Variants in MIPEP observed in about 807,000 individuals in gnomAD.
MIPEP encodes mitochondrial intermediate peptidase.
MIPEP carries 79 observed loss-of-function variants against 90.3 expected under a neutral mutation model. That is an observed-to-expected ratio of 0.87 (90% CI 0.73 to 1.05). MIPEP has a LOEUF of 1.05. MIPEP is among the 50% of genes least tolerant of loss of function. The pLI, the probability that MIPEP is intolerant of heterozygous loss-of-function variation, is 0.00. For missense variants in MIPEP, 940 were observed against 905.6 expected, an observed-to-expected ratio of 1.04 and a Z score of -0.49; for synonymous variants, 334 against 315.8, an observed-to-expected ratio of 1.06 and a Z score of -0.61.
chr13:23,843,364 G>A (rs1194889384), intron 10 of MIPEP, among the ~76,000 whole-genome samples: 2 of 152,182 alleles, frequency 1.3e-5, no homozygotes, highest in Non-Finnish European at 2.9e-5. Context: ...CCACTAAGCT[G>A]AGGAACTGGG....
intron 10 of MIPEP, among the ~76,000 whole-genome samples, chr13:23,845,214 C>T (rs1041064182): frequency 1.3e-5 from 2 of 151,846 alleles, no homozygotes; most frequent in Admixed American, 6.6e-5. Context: ...GAATACTTTC[C>T]AGTTTAGTAT....
In MIPEP at chr13:23,756,582, G is replaced by A. The variant is rs137904700; in HGVS notation, c.2007C>T (p.Ala669=). The A allele has an allele frequency of 2.5e-6, 4 of 1,613,836 alleles. No individual in the cohort carries two copies. The highest frequency in any genetic ancestry group is 2.5e-6 in the Non-Finnish European group (3 of 1,180,018). ...AGERYRREML[A]HGGGREPMLM... is the part of the protein sequence containing the mutation. ...GCATGGGCTCCCTGCCTCCACCGTGGGCCAGCATCTCCCTGCGATAGCGCT... is the reference window on the plus strand; with the variant it reads ...GCATGGGCTCCCTGCCTCCACCGTGAGCCAGCATCTCCCTGCGATAGCGCT... The change falls in exon 18 of 19, where the codon GCC becomes GCT. Residue 669 remains alanine, a synonymous_variant. Transcript: ENST00000382172.
chr13:23,810,402 T>A (rs1953158868), intron 14 of MIPEP, among the ~76,000 whole-genome samples: 1 of 152,242 alleles, frequency 6.6e-6, no homozygotes, highest in East Asian at 1.9e-4. Context: ...CATAATAATG[T>A]ATTGCAGATT....
At chr13:23,841,209 G>T in intron 11 of MIPEP, 126 bp downstream of exon 11, 1 of 736,240 alleles carries the variant, frequency 1.4e-6, no homozygotes, top group Non-Finnish European at 2.1e-6. Flanking sequence ...TTTTTGTGAA[G>T]CAGAAATAAG....
intron 18 of MIPEP, among the ~76,000 whole-genome samples, chr13:23,731,431 G>C (rs1242938083): frequency 6.6e-6 from 1 of 152,178 alleles, no homozygotes; most frequent in Admixed American, 6.5e-5. Flanking sequence ...CGGCTGGGCA[G>C]AACTGCATAT....
chr13:23,831,392 G>T lies in MIPEP; in HGVS notation c.1653+4848C>A, dbSNP rs868560512. On this transcript the variant is annotated intron_variant, in intron 14 of 18. Coordinates refer to ENST00000382172, the MANE Select transcript of MIPEP (RefSeq NM_005932.4). ...CCTAGCTTCCCCATGGCGGGGGGGG[G>T]ATGTGGATGGGAATTGCCTTACTGC... is the stretch of plus-strand genomic sequence containing the variant. Among the ~76,000 whole-genome samples the T allele has an allele frequency of 1.3e-3, 182 of 142,594 alleles. 11 individuals are homozygous for T. The Middle Eastern group carries it at 0.017, about 14-fold the overall frequency. The allele number at this position is 142,594 out of a possible 152,430, so 93.5% of individuals were successfully genotyped here.
chr13:23,844,908 A>G lies in MIPEP; in HGVS notation c.1107-3420T>C, dbSNP rs116373352. 4.3e-3 allele frequency among the ~76,000 whole-genome samples: 652 copies of G among 152,338 alleles called. 2 individuals are homozygous for G. Among genetic ancestry groups the G allele is most frequent in the African/African-American group, 0.015 (625 of 41,580 alleles). The stretch of plus-strand genomic sequence containing the variant: ...AATGATTGGGAACAAATGAATTTCT[A>G]AACTGCCTGTTTTAAAATAAAAACA... On this transcript the variant is annotated intron_variant, in intron 10 of 18. Coordinates refer to ENST00000382172, the MANE Select transcript of MIPEP (RefSeq NM_005932.4).
At chr13:23,741,580 A>G (rs980633010) in intron 18 of MIPEP, among the ~76,000 whole-genome samples, 2 of 152,184 alleles carry the variant, frequency 1.3e-5, no homozygotes, top group African/African-American at 2.4e-5. Context: ...CAGAAAACCA[A>G]TTACTGCATG....
chr13:23,872,064 A>G (rs1870834448), intron 5 of MIPEP, among the ~76,000 whole-genome samples: 1 of 152,246 alleles, frequency 6.6e-6, no homozygotes, highest in Non-Finnish European at 1.5e-5. Flanking sequence ...ATGTACAATA[A>G]TCTGAACTCT....
intron 18 of MIPEP, among the ~76,000 whole-genome samples, chr13:23,745,455 T>G (rs1258099194): frequency 6.6e-6 from 1 of 152,226 alleles, no homozygotes; most frequent in Non-Finnish European, 1.5e-5. Flanking sequence ...AAGAGTTGGC[T>G]AGCAAATGTC....
intron 14 of MIPEP, among the ~76,000 whole-genome samples, chr13:23,833,968 C>A (rs1181121789): frequency 6.6e-6 from 1 of 152,142 alleles, no homozygotes; most frequent in Non-Finnish European, 1.5e-5. Context: ...TGGCGCCTCC[C>A]TTGGCCTGAC....
At chr13:23,803,133 C>T (rs758290728) in intron 16 of MIPEP, among the ~76,000 whole-genome samples, 1 of 152,092 alleles carries the variant, frequency 6.6e-6, no homozygotes, top group Non-Finnish European at 1.5e-5. Flanking sequence ...GAGGCCAAGA[C>T]AGGTGGATTA....
At chr13:23,755,677 T>C (rs936485226) in intron 18 of MIPEP, among the ~76,000 whole-genome samples, 2 of 152,190 alleles carry the variant, frequency 1.3e-5, no homozygotes, top group East Asian at 1.9e-4. Flanking sequence ...CTTATATTCA[T>C]ACATGAAAAA....
chr13:23,743,984 TA>T (rs1952358431), intron 18 of MIPEP, among the ~76,000 whole-genome samples: 1 of 152,268 alleles, frequency 6.6e-6, no homozygotes, highest in Non-Finnish European at 1.5e-5. Context: ...GGGCTGCCTC[TA>T]TTATTGAAAT....
rs138145037 is a variant in MIPEP at position 23,780,783 on chromosome 13, C to T, written c.1849-20566G>A. Among the ~76,000 whole-genome samples the T allele has an allele frequency of 2.2e-3, 339 of 152,132 alleles. 2 individuals are homozygous for T. The East Asian group carries it at 0.036, about 16-fold the overall frequency. On this transcript the variant is annotated intron_variant, in intron 16 of 18. Transcript: ENST00000382172. Reference sequence around the variant, plus strand: ...AATGACCTGATGGAGTTGAAAACTACGGCACAAGAACTACGTGACGAATGC... The same window carrying T: ...AATGACCTGATGGAGTTGAAAACTATGGCACAAGAACTACGTGACGAATGC...
chr13:23,745,207 C>T (rs943209784), intron 18 of MIPEP, among the ~76,000 whole-genome samples: 3 of 151,906 alleles, frequency 2.0e-5, no homozygotes, highest in Non-Finnish European at 4.4e-5. Context: ...ATAAGAGAAA[C>T]TTTAATGTAA....
intron 10 of MIPEP, among the ~76,000 whole-genome samples, chr13:23,852,053 T>C (rs976765507): frequency 1.3e-5 from 2 of 152,176 alleles, no homozygotes; most frequent in African/African-American, 4.8e-5. Context: ...AGAAATTCTG[T>C]AGGACAAATG....
chr13:23,788,756 C>A (rs968252983), intron 16 of MIPEP, among the ~76,000 whole-genome samples: 1 of 152,144 alleles, frequency 6.6e-6, no homozygotes, highest in East Asian at 1.9e-4. Flanking sequence ...ATCAGTTCAC[C>A]AAGCTTTATT....
chr13:23,762,152 T>A (rs1049547253), intron 16 of MIPEP, among the ~76,000 whole-genome samples: 11 of 151,650 alleles, frequency 7.3e-5, no homozygotes, highest in South Asian at 2.1e-4. Flanking sequence ...AAAAAATAAA[T>A]AAACAACTTT....
Sources: gnomAD v4.1 joint callset for allele counts (sites outside exome capture counted in the v4.1 genomes callset) on GRCh38, gnomAD v4.1.1 for gene constraint, MANE v1.5 for transcripts, NCBI Gene and HGNC (gene_info 2026-07-23, HGNC 2026-07-21) for gene names.